The following SCRN3 variants were observed in gnomAD, a reference collection of about 807,000 sequenced individuals.
SCRN3 encodes the protein secernin-3.
In SCRN3, 39 loss-of-function variants were observed where a neutral mutation model predicts 43.1. That is an observed-to-expected ratio of 0.91 (90% CI 0.70 to 1.18). The LOEUF is 1.18. Among genes scored for constraint, SCRN3 ranks in the 50% most tolerant of loss-of-function variants. The pLI, the probability that SCRN3 is intolerant of heterozygous loss-of-function variation, is 0.00. For synonymous variants in SCRN3, 147 were observed against 163.1 expected, an observed-to-expected ratio of 0.90 and a Z score of 0.75; for missense variants, 484 against 498.0, an observed-to-expected ratio of 0.97 and a Z score of 0.27.
At position 174,417,402 on chromosome 2, in the gene SCRN3, C is replaced by CT. The variant is rs199945546; in HGVS notation, c.755-5474dup. On this transcript the variant is annotated intron_variant, in intron 5 of 7. Transcript: ENST00000272732. ...TGCTAAATGATTTAATTATATTATT[C>CT]TTTTTTTTTGAGGCAGAGTCTTACA... Among the ~76,000 whole-genome samples the CT allele has an allele frequency of 2.5e-3, 372 of 151,556 alleles. 1 individual carries two copies. The highest frequency in any genetic ancestry group is 0.014 in the Middle Eastern group (4 of 292).
At chr2:174,416,376 G>T (rs1303782514) in intron 5 of SCRN3, among the ~76,000 whole-genome samples, 2 of 152,202 alleles carry the variant, frequency 1.3e-5, no homozygotes, top group Non-Finnish European at 2.9e-5. Flanking sequence ...TGAATACCAG[G>T]TTTCTGCTGG....
chr2:174,397,050 C>T lies in SCRN3; in HGVS notation c.-9-1225C>T, dbSNP rs1478699246. 3.1e-6 allele frequency: 3 copies of T among 979,792 alleles called. No individual in the cohort carries two copies. The African/African-American group carries it at 5.3e-5, about 17-fold the overall frequency. 60.7% of individuals were successfully genotyped at this position (979,792 alleles called of 1,614,324 possible). Reference sequence around the variant, plus strand: ...TATAGTGATAGAACTAACTATAAAACACAAATAGAAGGAGATCCAGGACAT... The same window carrying T: ...TATAGTGATAGAACTAACTATAAAATACAAATAGAAGGAGATCCAGGACAT... On this transcript the variant is annotated intron_variant, in intron 1 of 7. Coordinates refer to ENST00000272732, the MANE Select transcript of SCRN3 (RefSeq NM_024583.5).
intron 1 of SCRN3, chr2:174,397,375 T>A: frequency 1.0e-6 from 1 of 968,228 alleles, no homozygotes; most frequent in Non-Finnish European, 1.2e-6. Context: ...TAAGTGAAGA[T>A]CTAAGATTTT....
intron 1 of SCRN3, 79 bp downstream of exon 1, chr2:174,395,896 T>A (rs991128341): frequency 2.0e-5 from 28 of 1,434,090 alleles, no homozygotes; most frequent in Non-Finnish European, 2.6e-5. Flanking sequence ...CGGCACTGCT[T>A]GACCGAGGGG....
intron 5 of SCRN3, among the ~76,000 whole-genome samples, chr2:174,413,535 ACT>A (rs1192990446): frequency 2.4e-5 from 3 of 123,566 alleles, no homozygotes; most frequent in East Asian, 2.4e-4. Flanking sequence ...CTCCTCTCTG[ACT>A]CTCTCTTTTA....
At chr2:174,405,890 G>A (rs1438264257) in intron 5 of SCRN3, among the ~76,000 whole-genome samples, 1 of 147,670 alleles carries the variant, frequency 6.8e-6, no homozygotes, top group Non-Finnish European at 1.5e-5. Flanking sequence ...GTCAGGTAGT[G>A]TGATTCCTCC....
chr2:174,404,373 T>TCATTCCC, intron 5 of SCRN3, 58 bp downstream of exon 5: 1 of 1,162,742 alleles, frequency 8.6e-7, no homozygotes, highest in Non-Finnish European at 1.3e-6. Context: ...GTAGATGTAA[T>TCATTCCC]ATGGGAATGA....
intron 5 of SCRN3, among the ~76,000 whole-genome samples, chr2:174,416,188 T>A (rs1241872650): frequency 2.0e-5 from 3 of 152,154 alleles, no homozygotes; most frequent in African/African-American, 4.8e-5. Context: ...CCAGCCCCAC[T>A]ATCTGCCCCA....
At chr2:174,421,855 C>T (rs1220228948) in intron 5 of SCRN3, among the ~76,000 whole-genome samples, 1 of 152,088 alleles carries the variant, frequency 6.6e-6, no homozygotes, top group Non-Finnish European at 1.5e-5. Context: ...GTAATTGGAG[C>T]TAAGTTCTGT....
chr2:174,401,993 C>A (rs1202750486), intron 4 of SCRN3, among the ~76,000 whole-genome samples: 1 of 152,118 alleles, frequency 6.6e-6, no homozygotes, highest in Non-Finnish European at 1.5e-5. Flanking sequence ...TTATCGTGAG[C>A]TAGAGGAGTT....
At chr2:174,420,895 A>G (rs1003553722) in intron 5 of SCRN3, among the ~76,000 whole-genome samples, 1 of 152,202 alleles carries the variant, frequency 6.6e-6, no homozygotes. Context: ...AGGGAAGGGC[A>G]AAAGCAATAG....
chr2:174,410,743 C>T, intron 5 of SCRN3, among the ~76,000 whole-genome samples: 1 of 152,062 alleles, frequency 6.6e-6, no homozygotes, highest in East Asian at 1.9e-4. Flanking sequence ...GAACTTCTGG[C>T]CAGAAGACAA....
downstream of SCRN3, chr2:174,429,686 G>A (rs923081618): frequency 1.3e-5 from 2 of 152,046 alleles, no homozygotes; most frequent in Non-Finnish European, 2.9e-5. Flanking sequence ...CATCCTATGG[G>A]CTTTGATAAT....
Position 174,424,456 on chromosome 2 carries a change from TAAAG to T in SCRN3, c.918-17_918-14del, listed in dbSNP as rs1232073149. On this transcript the variant is annotated splice_polypyrimidine_tract_variant and intron_variant, in intron 6 of 7. Transcript: ENST00000272732. The stretch of plus-strand genomic sequence containing the variant: ...TTTATATATTGACATGATAATTTAA[TAAAG>T]ACTCTTTTTTCTAGATCTGTTTTTA... The T allele has an allele frequency of 1.3e-6, 2 of 1,516,940 alleles. No individual in the cohort carries two copies. The highest frequency in any genetic ancestry group is 2.3e-5 in the East Asian group (1 of 44,250). The allele number at this position is 1,516,940 out of a possible 1,614,324, so 94.0% of individuals were successfully genotyped here.
intron 3 of SCRN3, 32 bp downstream of exon 3, chr2:174,400,135 C>T (rs969093184): frequency 4.2e-6 from 6 of 1,414,176 alleles, no homozygotes; most frequent in Non-Finnish European, 5.7e-6. Context: ...TACTACAGAC[C>T]TTGTCTAAAT....
At chr2:174,404,435 T>C in intron 5 of SCRN3, 120 bp downstream of exon 5, 1 of 651,892 alleles carries the variant, frequency 1.5e-6, no homozygotes, top group East Asian at 3.1e-5. Context: ...TCTATTAAAA[T>C]GAAAAATATT....
chr2:174,398,225 A>G, intron 1 of SCRN3, 50 bp from the exon 2 acceptor site: 2 of 1,137,166 alleles, frequency 1.8e-6, no homozygotes, highest in South Asian at 3.4e-5. Context: ...CTTTATTTTT[A>G]TATACTTAAA....
intron 6 of SCRN3, among the ~76,000 whole-genome samples, chr2:174,423,682 G>A (rs1686373412): frequency 6.6e-6 from 1 of 151,766 alleles, no homozygotes; most frequent in Non-Finnish European, 1.5e-5. Context: ...TGTTAGCCAG[G>A]ATGGTCTTGA....
chr2:174,413,013 C>T (rs1168930398), intron 5 of SCRN3, among the ~76,000 whole-genome samples: 1 of 151,884 alleles, frequency 6.6e-6, no homozygotes, highest in African/African-American at 2.4e-5. Context: ...GGATTACAGG[C>T]ATGTGCCACC....
Sources: allele counts gnomAD v4.1 joint callset (sites outside exome capture counted in the v4.1 genomes callset), GRCh38; gene constraint gnomAD v4.1.1; transcripts MANE v1.5; gene names NCBI Gene and HGNC (gene_info 2026-07-23, HGNC 2026-07-21).